Variants in FREM2 observed in about 807,000 individuals in gnomAD.
The protein encoded by FREM2 is FRAS1-related extracellular matrix protein 2.
Under a neutral mutation model 219.9 loss-of-function variants are expected in FREM2, and 119 were observed. That is an observed-to-expected ratio of 0.54 (90% CI 0.47 to 0.63). The LOEUF is 0.63. Ranked by LOEUF, FREM2 falls within the 30% of genes least tolerant of loss-of-function variation. FREM2 has a pLI of 0.00. For missense variants in FREM2, 4,030 were observed against 3,993.6 expected, an observed-to-expected ratio of 1.01 and a Z score of -0.25; for synonymous variants, 1,562 against 1,522.8, an observed-to-expected ratio of 1.03 and a Z score of -0.60.
intron 2 of FREM2, among the ~76,000 whole-genome samples, chr13:38,710,232 G>C (rs1304562160): frequency 6.6e-6 from 1 of 151,964 alleles, no homozygotes; most frequent in African/African-American, 2.4e-5. Context: ...AATGATATTG[G>C]TCACGGTGCT....
At position 38,690,171 on chromosome 13, in the gene FREM2, C is replaced by T. The variant is rs1425202739; in HGVS notation, c.2827C>T (p.Leu943=). 7 of 1,614,114 alleles carry T rather than the reference C, an allele frequency of 4.3e-6. No individual in the cohort carries two copies. Among genetic ancestry groups the T allele is most frequent in the Non-Finnish European group, 5.9e-6 (7 of 1,179,962 alleles). ...VRPVDDEVPI[L]SHPTGTLESY... ...GCCAGTGGATGATGAAGTGCCCATA[C>T]TGAGCCATCCTACTGGCACTCTGGA... Residue 943 remains leucine (L), a synonymous_variant, in exon 1 of 24, where the codon CTG becomes TTG. Coordinates refer to ENST00000280481, the MANE Select transcript of FREM2 (RefSeq NM_207361.6).
intron 6 of FREM2, among the ~76,000 whole-genome samples, chr13:38,804,823 C>G (rs1875160153): frequency 6.6e-6 from 1 of 151,932 alleles, no homozygotes; most frequent in African/African-American, 2.4e-5. Context: ...GGCCAGGCTC[C>G]CTTTTTATGT....
intron 5 of FREM2, among the ~76,000 whole-genome samples, chr13:38,783,829 G>C (rs570505141): frequency 1.3e-5 from 2 of 152,238 alleles, no homozygotes; most frequent in Admixed American, 6.5e-5. Context: ...GGGCTCAGTG[G>C]CTCATGCCTG....
At position 38,690,885 on chromosome 13, in the gene FREM2, A is replaced by C. The variant is rs756891390; in HGVS notation, c.3541A>C (p.Ile1181Leu). 1.9e-6 allele frequency: 3 copies of C among 1,614,094 alleles called. No individual in the cohort carries two copies. The highest frequency in any genetic ancestry group is 2.5e-6 in the Non-Finnish European group (3 of 1,179,992). Reference sequence around the variant, plus strand: ...CTTTTCAGAGAGACAGTTCTTCCCCATTGTAATCATTCCCACCAATGATGA... The same window carrying C: ...CTTTTCAGAGAGACAGTTCTTCCCCCTTGTAATCATTCCCACCAATGATGA... The part of the protein sequence containing the change: ...INFSERQFFP[I>L]VIIPTNDEQP... Residue 1181 changes from isoleucine (I) to leucine (L), a missense_variant, in exon 1 of 24, where the codon ATT (isoleucine) becomes CTT (leucine). Physicochemically the swap from Ile to Leu is conservative, Grantham distance 5. Coordinates refer to ENST00000280481, the MANE Select transcript of FREM2 (RefSeq NM_207361.6).
At chr13:38,731,329 T>C (rs1593371673) in intron 2 of FREM2, among the ~76,000 whole-genome samples, 1 of 152,214 alleles carries the variant, frequency 6.6e-6, no homozygotes, top group Non-Finnish European at 1.5e-5. Flanking sequence ...CTTAGATAAA[T>C]TGGCTTTTAA....
chr13:38,759,613 C>T (rs1873151617), intron 2 of FREM2, among the ~76,000 whole-genome samples: 1 of 152,170 alleles, frequency 6.6e-6, no homozygotes, highest in South Asian at 2.1e-4. Context: ...TGTCAGGCAC[C>T]TGTTGTGTGG....
chr13:38,816,270 A>G (rs546426263), intron 6 of FREM2, among the ~76,000 whole-genome samples: 1 of 152,282 alleles, frequency 6.6e-6, no homozygotes, highest in Admixed American at 6.5e-5. Flanking sequence ...TCAAACAATC[A>G]CATAACAACA....
Position 38,729,574 on chromosome 13 carries a change from ACT to A in FREM2, c.5263+31791_5263+31792del, listed in dbSNP as rs151100163. Among the ~76,000 whole-genome samples the A allele has an allele frequency of 3.2e-3, 488 of 152,204 alleles. 24 individuals are homozygous for A. The East Asian group carries it at 0.081, about 25-fold the overall frequency. ...AGTCTTACTAAAGGACTTGAATTTA[ACT>A]CTCATTCAACTTTTTTTTAACCAAA... On this transcript the variant is annotated intron_variant, in intron 2 of 23. Coordinates refer to ENST00000280481, the MANE Select transcript of FREM2 (RefSeq NM_207361.6).
At chr13:38,792,280 C>T (rs1341923091) in intron 6 of FREM2, among the ~76,000 whole-genome samples, 3 of 152,056 alleles carry the variant, frequency 2.0e-5, no homozygotes, top group Non-Finnish European at 2.9e-5. Flanking sequence ...ACCTGGGAGG[C>T]GGAGGTTGCA....
At chr13:38,726,197 C>G (rs1340254630) in intron 2 of FREM2, among the ~76,000 whole-genome samples, 1 of 152,002 alleles carries the variant, frequency 6.6e-6, no homozygotes, top group Non-Finnish European at 1.5e-5. Flanking sequence ...GTAAGCAGAC[C>G]GATGACTGGC....
intron 11 of FREM2, among the ~76,000 whole-genome samples, chr13:38,853,300 A>C (rs1243797028): frequency 6.7e-6 from 1 of 148,816 alleles, no homozygotes; most frequent in African/African-American, 2.5e-5. Context: ...CTGAGAGACA[A>C]GCGCAAAACT....
At chr13:38,869,445 T>C (rs1336642931) in intron 16 of FREM2, among the ~76,000 whole-genome samples, 1 of 152,192 alleles carries the variant, frequency 6.6e-6, no homozygotes, top group African/African-American at 2.4e-5. Context: ...AAATATTCCA[T>C]GAACACCTAC....
chr13:38,876,317 C>T lies in FREM2; in HGVS notation c.8479C>T (p.Arg2827Cys), dbSNP rs774259178. ...PCTAPSHQEY[R>C]LPVTCNPREP... The stretch of plus-strand genomic sequence containing the variant: ...CACTGCCCCATCACATCAGGAATAC[C>T]GCCTGCCAGTCACCTGCAACCCCAG... The change falls in exon 20 of 24, where the codon CGC (arginine) becomes TGC (cysteine). Residue 2827 changes from arginine (R) to cysteine (C), a missense_variant. Arg to Cys is a radical substitution (Grantham distance 180). Around this residue, in one of 2 missense-constraint regions of FREM2, gnomAD observed 928 missense variants for 1,042.9 expected, o/e 0.89. Transcript: ENST00000280481. 1.5e-5 allele frequency: 24 copies of T among 1,613,704 alleles called. No individual in the cohort carries two copies. Among genetic ancestry groups the T allele is most frequent in the Middle Eastern group, 1.6e-4 (1 of 6,082 alleles).
intron 2 of FREM2, among the ~76,000 whole-genome samples, chr13:38,758,732 G>T (rs577760106): frequency 1.8e-4 from 28 of 152,304 alleles, no homozygotes; most frequent in Non-Finnish European, 2.9e-4. Flanking sequence ...CACGGAAATG[G>T]CAATGAAATG....
intron 6 of FREM2, among the ~76,000 whole-genome samples, chr13:38,795,883 T>C (rs1874752089): frequency 6.6e-6 from 1 of 152,084 alleles, no homozygotes; most frequent in Non-Finnish European, 1.5e-5. Context: ...CTTAACTTAA[T>C]AACCTCCAGT....
intron 2 of FREM2, among the ~76,000 whole-genome samples, chr13:38,729,111 G>A (rs932878240): frequency 1.6e-4 from 25 of 152,266 alleles, no homozygotes; most frequent in African/African-American, 4.8e-4. Flanking sequence ...CTCTTAGAGA[G>A]TCACAGTAGT....
intron 6 of FREM2, among the ~76,000 whole-genome samples, chr13:38,800,558 G>T (rs186172401): frequency 3.2e-4 from 49 of 152,214 alleles, no homozygotes; most frequent in African/African-American, 1.1e-3. Flanking sequence ...ACATCTGTTT[G>T]GGGATATATG....
intron 5 of FREM2, 53 bp from the exon 6 acceptor site, chr13:38,784,504 T>C: frequency 6.2e-7 from 1 of 1,600,164 alleles, no homozygotes; most frequent in East Asian, 2.2e-5. Flanking sequence ...TGTCTGGAAA[T>C]ATCTTTGTCT....
chr13:38,795,655 C>A (rs191837113), intron 6 of FREM2, among the ~76,000 whole-genome samples: 1 of 152,112 alleles, frequency 6.6e-6, no homozygotes, highest in East Asian at 1.9e-4. Flanking sequence ...CTATAGTCAC[C>A]CAAATCTGCA....
Sources: gnomAD v4.1 joint callset for allele counts (sites outside exome capture counted in the v4.1 genomes callset) on GRCh38, gnomAD v4.1.1 for gene constraint, gnomAD v4.1.1 regional missense constraint, MANE v1.5 for transcripts, NCBI Gene and HGNC (gene_info 2026-07-23, HGNC 2026-07-21) for gene names.